The following AGPAT4 variants were observed in gnomAD, a reference collection of about 807,000 sequenced individuals.
AGPAT4 encodes the protein 1-acyl-sn-glycerol-3-phosphate acyltransferase delta.
AGPAT4 carries 15 observed loss-of-function variants against 48.0 expected under a neutral mutation model. The observed-to-expected ratio is 0.31, with a 90% CI of 0.21 to 0.48. AGPAT4 has a LOEUF of 0.48. AGPAT4 is among the 20% of genes least tolerant of loss of function. The pLI is 0.99. For synonymous variants in AGPAT4, 178 were observed against 198.7 expected (o/e 0.90, Z 0.88); for missense variants, 314 against 482.5 (o/e 0.65, Z 3.27).
chr6:161,234,411 T>C lies in AGPAT4; in HGVS notation c.-89-2109A>G, dbSNP rs1782210660. Among the ~76,000 whole-genome samples, 2 of 152,104 alleles carry C rather than the reference T, an allele frequency of 1.3e-5. No homozygotes were observed. Among genetic ancestry groups the C allele is most frequent in the Admixed American group, 6.5e-5 (1 of 15,278 alleles). ...GCACAAATCCAGGCCCTGCAGGGTC[T>C]GAATCATCACATCTCTGGCCTTTCG... On this transcript the variant is annotated intron_variant, in intron 1 of 8. Transcript: ENST00000320285. This position sits in a 1 kb window ranked among gnomAD's most constrained non-coding sequence, Gnocchi z 4.4.
chr6:161,138,349 A>G lies in AGPAT4; in HGVS notation c.1042+1073T>C, dbSNP rs1779143845. 6.6e-6 allele frequency among the ~76,000 whole-genome samples: 1 copy of G among 152,232 alleles called. No individual in the cohort carries two copies. Among genetic ancestry groups the G allele is most frequent in the Non-Finnish European group, 1.5e-5 (1 of 68,044 alleles). Reference sequence around the variant, plus strand: ...CTTGTCTACTGCACCCATATGCTGCAGCATTGGTTGGCTCAGTCAGAATGA... The same window carrying G: ...CTTGTCTACTGCACCCATATGCTGCGGCATTGGTTGGCTCAGTCAGAATGA... On this transcript the variant is annotated intron_variant, in intron 8 of 8. Coordinates refer to ENST00000320285, the MANE Select transcript of AGPAT4 (RefSeq NM_020133.3). The surrounding 1 kb of genome is among the most constrained non-coding windows in gnomAD (Gnocchi z 4.8).
At position 161,171,058 on chromosome 6, in the gene AGPAT4, C is replaced by A. The variant is rs1780255155; in HGVS notation, c.179-4641G>T. ...AGAAAGTTACCAGTGGGCACCTGAGCAATCCATCCCGACCAGAAGCTATCA... is the reference window on the plus strand; with the variant it reads ...AGAAAGTTACCAGTGGGCACCTGAGAAATCCATCCCGACCAGAAGCTATCA... On this transcript the variant is annotated intron_variant, in intron 2 of 8. Coordinates refer to ENST00000320285, the MANE Select transcript of AGPAT4 (RefSeq NM_020133.3). The surrounding 1 kb of genome is among the most constrained non-coding windows in gnomAD (Gnocchi z 4.4). Among the ~76,000 whole-genome samples the A allele has an allele frequency of 6.6e-6, 1 of 152,212 alleles. No individual in the cohort carries two copies. The highest frequency in any genetic ancestry group is 2.1e-4 in the South Asian group (1 of 4,828).
At position 161,137,113 on chromosome 6, in the gene AGPAT4, G is replaced by GA. The variant is rs1343662710; in HGVS notation, c.1043-480dup. On this transcript the variant is annotated intron_variant, in intron 8 of 8. Coordinates refer to ENST00000320285, the MANE Select transcript of AGPAT4 (RefSeq NM_020133.3). This position sits in a 1 kb window ranked among gnomAD's most constrained non-coding sequence, Gnocchi z 6.1. ...TTTGGTGCAAGCGTTAGAGCAGTGA[G>GA]AAAATCCCCGCCCTCTCCTCTGACG... Among the ~76,000 whole-genome samples, 1 of 152,222 alleles carries GA rather than the reference G, an allele frequency of 6.6e-6. No individual in the cohort carries two copies.
chr6:161,169,509 C>T lies in AGPAT4; in HGVS notation c.179-3092G>A, dbSNP rs570569208. On this transcript the variant is annotated intron_variant, in intron 2 of 8. Coordinates refer to ENST00000320285, the MANE Select transcript of AGPAT4 (RefSeq NM_020133.3). The surrounding 1 kb of genome is among the most constrained non-coding windows in gnomAD (Gnocchi z 5.0). ...TGAGATGGTGTGTCACTCTGTCATCCAGGCTGGAGTGCAGTGGCCCAATCA... is the reference window on the plus strand; with the variant it reads ...TGAGATGGTGTGTCACTCTGTCATCTAGGCTGGAGTGCAGTGGCCCAATCA... Among the ~76,000 whole-genome samples the T allele has an allele frequency of 1.3e-5, 2 of 152,170 alleles. No individual in the cohort carries two copies. The highest frequency in any genetic ancestry group is 4.8e-5 in the African/African-American group (2 of 41,518).
chr6:161,167,321 G>C (rs1273601803), intron 2 of AGPAT4, among the ~76,000 whole-genome samples: 1 of 152,150 alleles, frequency 6.6e-6, no homozygotes, highest in Non-Finnish European at 1.5e-5. Flanking sequence ...AACCTCCCAG[G>C]CTCAAGTGAT....
intron 2 of AGPAT4, among the ~76,000 whole-genome samples, chr6:161,182,638 T>C (rs1272532534): frequency 6.6e-6 from 1 of 152,188 alleles, no homozygotes; most frequent in Non-Finnish European, 1.5e-5. Flanking sequence ...CTGGAGCTCA[T>C]GGGTAAAGGG....
Position 161,225,310 on chromosome 6 carries a change from C to G in AGPAT4, c.178+6726G>C, listed in dbSNP as rs1343730787. Among the ~76,000 whole-genome samples, 1 of 152,186 alleles carries G rather than the reference C, an allele frequency of 6.6e-6. No homozygotes were observed. The highest frequency in any genetic ancestry group is 2.4e-5 in the African/African-American group (1 of 41,420). On this transcript the variant is annotated intron_variant, in intron 2 of 8. Transcript: ENST00000320285. This position sits in a 1 kb window ranked among gnomAD's most constrained non-coding sequence, Gnocchi z 5.0. ...TTTAACCTGTGCAGTCTAACCCTAG[C>G]CAATAGGGGAAGGACACAGCAGCAG...
rs1782447609 is a variant in AGPAT4, at chr6:161,240,232, AC to A, written c.-89-7931del. Among the ~76,000 whole-genome samples the A allele has an allele frequency of 1.6e-5, 1 of 61,130 alleles. No individual in the cohort carries two copies. Among genetic ancestry groups the A allele is most frequent in the African/African-American group, 6.7e-5 (1 of 14,882 alleles). 40.1% of individuals were successfully genotyped at this position (61,130 alleles called of 152,430 possible). ...GATATCTTTGTGTATACACACACAC[AC>A]ACACACACACACACACACACACACA... On this transcript the variant is annotated intron_variant, in intron 1 of 8. Transcript: ENST00000320285. This position sits in a 1 kb window ranked among gnomAD's most constrained non-coding sequence, Gnocchi z 5.5.
In AGPAT4 at chr6:161,208,941, C is replaced by T. The variant is rs912616127; in HGVS notation, c.178+23095G>A. ...ATTGGGGAACACAAGCAAACCCACACCAGAAAGAGTCCCTAAAACGGCAAT... is the reference window on the plus strand; with the variant it reads ...ATTGGGGAACACAAGCAAACCCACATCAGAAAGAGTCCCTAAAACGGCAAT... On this transcript the variant is annotated intron_variant, in intron 2 of 8. Coordinates refer to ENST00000320285, the MANE Select transcript of AGPAT4 (RefSeq NM_020133.3). The surrounding 1 kb of genome is among the most constrained non-coding windows in gnomAD (Gnocchi z 4.6). 7.9e-5 allele frequency among the ~76,000 whole-genome samples: 12 copies of T among 152,244 alleles called. No individual in the cohort carries two copies. Among genetic ancestry groups the T allele is most frequent in the African/African-American group, 2.9e-4 (12 of 41,542 alleles).
At chr6:161,190,577 G>T (rs1035048837) in intron 2 of AGPAT4, among the ~76,000 whole-genome samples, 8 of 81,200 alleles carry the variant, frequency 9.9e-5, no homozygotes, top group Non-Finnish European at 1.9e-4. Flanking sequence ...TTACCCAGAA[G>T]AAACCAAGGG....
At position 161,225,474 on chromosome 6, in the gene AGPAT4, G is replaced by C. The variant is rs112275849; in HGVS notation, c.178+6562C>G. Among the ~76,000 whole-genome samples the C allele has an allele frequency of 2.6e-3, 397 of 152,282 alleles. 1 individual carries two copies. The highest frequency in any genetic ancestry group is 6.7e-3 in the African/African-American group (280 of 41,552). ...GAATTAAAAAGAAAATTTTATATTC[G>C]AGTGCTATTTCTTTTGCAGCACCGA... On this transcript the variant is annotated intron_variant, in intron 2 of 8. Coordinates refer to ENST00000320285, the MANE Select transcript of AGPAT4 (RefSeq NM_020133.3). The surrounding 1 kb of genome is among the most constrained non-coding windows in gnomAD (Gnocchi z 5.0).
chr6:161,150,676 C>T (rs547268551), intron 5 of AGPAT4, among the ~76,000 whole-genome samples: 2 of 152,322 alleles, frequency 1.3e-5, no homozygotes, highest in South Asian at 2.1e-4. Context: ...CACTCACCCC[C>T]GCCTTGGGGC....
At position 161,144,960 on chromosome 6, in the gene AGPAT4, G is replaced by C. The variant is rs1257732739; in HGVS notation, c.843+1564C>G. Reference sequence around the variant, plus strand: ...CGCGCCACTGCACTCCAGCCTGGGAGACAGAGTGAAACTCAGTCTCAAAAA... The same window carrying C: ...CGCGCCACTGCACTCCAGCCTGGGACACAGAGTGAAACTCAGTCTCAAAAA... On this transcript the variant is annotated intron_variant, in intron 7 of 8. Coordinates refer to ENST00000320285, the MANE Select transcript of AGPAT4 (RefSeq NM_020133.3). The surrounding 1 kb of genome is among the most constrained non-coding windows in gnomAD (Gnocchi z 6.6). Among the ~76,000 whole-genome samples the C allele has an allele frequency of 6.6e-6, 1 of 151,558 alleles. No individual in the cohort carries two copies.
Position 161,169,016 on chromosome 6 carries a change from C to T in AGPAT4, c.179-2599G>A, listed in dbSNP as rs1432108319. On this transcript the variant is annotated intron_variant, in intron 2 of 8. Transcript: ENST00000320285. The surrounding 1 kb of genome is among the most constrained non-coding windows in gnomAD (Gnocchi z 5.0). The stretch of plus-strand genomic sequence containing the variant: ...GCATAGCAGGCAATCAATAAATGGA[C>T]AGCTTTTTAATTACTATTATATGCC... Among the ~76,000 whole-genome samples the T allele has an allele frequency of 2.0e-5, 3 of 152,128 alleles. No individual in the cohort carries two copies. The highest frequency in any genetic ancestry group is 6.5e-5 in the Admixed American group (1 of 15,268).
At position 161,235,580 on chromosome 6, in the gene AGPAT4, G is replaced by T. The variant is rs1172685895; in HGVS notation, c.-89-3278C>A. On this transcript the variant is annotated intron_variant, in intron 1 of 8. Transcript: ENST00000320285. The surrounding 1 kb of genome is among the most constrained non-coding windows in gnomAD (Gnocchi z 6.2). ...GAGACTGGACAATTTATAAAGAAAA[G>T]AGGTTTAATTGGCTCATGGTTCTGC... Among the ~76,000 whole-genome samples the T allele has an allele frequency of 1.3e-5, 2 of 152,162 alleles. No homozygotes were observed. Among genetic ancestry groups the T allele is most frequent in the African/African-American group, 2.4e-5 (1 of 41,426 alleles).
At chr6:161,192,033 TC>T (rs113602351) in intron 2 of AGPAT4, among the ~76,000 whole-genome samples, 5,265 of 148,526 alleles carry the variant, frequency 0.035, 323 homozygotes, top group African/African-American at 0.12. Context: ...TTTTGTGCAT[TC>T]CTTTTTTTTT....
At chr6:161,203,373 T>TTTTC (rs1193284798) in intron 2 of AGPAT4, among the ~76,000 whole-genome samples, 4 of 105,918 alleles carry the variant, frequency 3.8e-5, no homozygotes, top group South Asian at 3.3e-4. Context: ...AGAGTGTTCT[T>TTTTC]TTTCTTTCTT....
At chr6:161,176,974 C>T (rs1205051299) in intron 2 of AGPAT4, among the ~76,000 whole-genome samples, 2 of 152,222 alleles carry the variant, frequency 1.3e-5, no homozygotes, top group Non-Finnish European at 2.9e-5. Context: ...TTGGCCCCCA[C>T]TCTCTTCTGG....
rs1783309450 is a variant in AGPAT4 at position 161,267,780 on chromosome 6, C to A, written c.-90+6158G>T. On this transcript the variant is annotated intron_variant, in intron 1 of 8. Transcript: ENST00000320285. The surrounding 1 kb of genome is among the most constrained non-coding windows in gnomAD (Gnocchi z 5.2). ...GCATGTTAGTACACACCTGTAGTCC[C>A]AGCTACTTGGGAAGCTGAAGCGGGA... Among the ~76,000 whole-genome samples the A allele has an allele frequency of 6.6e-6, 1 of 152,002 alleles. No homozygotes were observed. The highest frequency in any genetic ancestry group is 2.4e-5 in the African/African-American group (1 of 41,402).
Sources: gnomAD v4.1 joint callset for allele counts (sites outside exome capture counted in the v4.1 genomes callset) on GRCh38, gnomAD v4.1.1 for gene constraint, Gnocchi (gnomAD v3.1) non-coding constraint, MANE v1.5 for transcripts, NCBI Gene and HGNC (gene_info 2026-07-23, HGNC 2026-07-21) for gene names.